The following GALK1 variants were observed in gnomAD, a reference collection of about 807,000 sequenced individuals.
GALK1 encodes the protein galactokinase 1.
Under a neutral mutation model 38.6 loss-of-function variants are expected in GALK1, and 30 were observed. The observed-to-expected ratio is 0.78, with a 90% CI of 0.58 to 1.05. The LOEUF (loss-of-function observed/expected upper bound fraction) is 1.05. Among genes scored for constraint, GALK1 ranks in the 50% least tolerant of loss-of-function variants. The pLI is 0.00. For synonymous variants in GALK1, 240 were observed against 233.6 expected (o/e 1.03, Z -0.25); for missense variants, 512 against 540.5 (o/e 0.95, Z 0.52).
chr17:75,757,711 G>T (rs2061554332), downstream of GALK1: 3 of 1,024,730 alleles, frequency 2.9e-6, no homozygotes, highest in African/African-American at 3.1e-5. Context: ...CATGAAGGGG[G>T]CAAGGTCCGT....
downstream of GALK1, chr17:75,757,572 C>T (rs781453435): frequency 2.5e-6 from 4 of 1,613,218 alleles, no homozygotes; most frequent in Non-Finnish European, 2.5e-6. Context: ...CCTGCCCCAC[C>T]CCCGCCACGT....
chr17:75,756,477 T>C (rs1330198923), downstream of GALK1: 1 of 1,613,178 alleles, frequency 6.2e-7, no homozygotes, highest in East Asian at 2.2e-5. Context: ...ACCTCGGTGG[T>C]GGTGGAAGAC....
exon 9 of GALK1, chr17:75,751,597 C>G (rs2061368256): frequency 1.3e-5 from 3 of 230,990 alleles, no homozygotes; most frequent in Non-Finnish European, 2.6e-5. Flanking sequence ...AAAAATTAGA[C>G]AGGCATGGTG....
chr17:75,757,118 G>C, downstream of GALK1: 1 of 1,612,880 alleles, frequency 6.2e-7, no homozygotes, highest in Non-Finnish European at 8.5e-7. Context: ...GTAGGCACCT[G>C]TCCTTTCCTT....
At chr17:75,763,863 C>T in intron 2 of GALK1, 34 bp downstream of exon 2, 2 of 1,592,400 alleles carry the variant, frequency 1.3e-6, no homozygotes, top group African/African-American at 1.3e-5. Context: ...CTCCTAGTAT[C>T]AGTGAGGACT....
Position 75,764,544 on chromosome 17 carries a change from C to T in GALK1, c.165+428G>A, listed in dbSNP as rs767226923. The T allele has an allele frequency of 1.3e-4, 62 of 477,734 alleles. 1 individual carries two copies. The highest frequency in any genetic ancestry group is 1.7e-5 in the Non-Finnish European group (4 of 241,928). 29.6% of individuals were successfully genotyped at this position (477,734 alleles called of 1,614,324 possible). A position where few individuals can be genotyped will look rare whatever the true frequency, so the allele number is the denominator to read the frequency against. ...TGACCTCCAGCAGTTCACTGGGCCT[C>T]TCTAGGCCTCAGTTTCCTCCTCTGT... On this transcript the variant is annotated intron_variant, in intron 1 of 7. Coordinates refer to ENST00000588479, the MANE Select transcript of GALK1 (RefSeq NM_000154.2).
Position 75,765,030 on chromosome 17 carries a change from C to A in GALK1, c.107G>T (p.Gly36Val). 2 of 1,609,896 alleles carry A rather than the reference C, an allele frequency of 1.2e-6. No individual in the cohort carries two copies. The highest frequency in any genetic ancestry group is 1.7e-6 in the Non-Finnish European group (2 of 1,178,556). The change falls in exon 1 of 8, where the codon GGC becomes GTC. Residue 36 changes from glycine (G) to valine (V), a missense_variant. Gly to Val is a moderately radical substitution (Grantham distance 109). Transcript: ENST00000588479. ...AEPELAVSAP[G>V]RVNLIGEHTD... ...GTGTTCCCCGATGAGGTTGACGCGG[C>A]CCGGCGCTGACACGGCCAGCTCGGG...
downstream of GALK1, chr17:75,756,379 G>A (rs1054728005): frequency 1.3e-6 from 2 of 1,598,670 alleles, no homozygotes; most frequent in Non-Finnish European, 1.7e-6. Context: ...GATCAGGCCA[G>A]GGGTGGGAGT....
intron 5 of GALK1, among the ~76,000 whole-genome samples, chr17:75,762,065 C>T (rs1445900802): frequency 2.6e-5 from 4 of 152,148 alleles, no homozygotes; most frequent in Non-Finnish European, 5.9e-5. Context: ...TGGCTCATGC[C>T]TATAATCCCA....
chr17:75,758,187 C>A (rs756936329), intron 7 of GALK1, 23 bp downstream of exon 7: 2 of 1,609,248 alleles, frequency 1.2e-6, no homozygotes, highest in Admixed American at 1.7e-5. Flanking sequence ...CTCCTGCCCG[C>A]CCAGGCCCTG....
chr17:75,752,534 C>T, intron 8 of GALK1: 1 of 1,613,684 alleles, frequency 6.2e-7, no homozygotes, highest in Non-Finnish European at 8.5e-7. Flanking sequence ...ACGTTCTACG[C>T]TCTCCATCGG....
chr17:75,757,818 A>G, downstream of GALK1: 1 of 661,402 alleles, frequency 1.5e-6, no homozygotes, highest in South Asian at 1.9e-5. Flanking sequence ...TGCTACTGCT[A>G]GGCCCTGCCT....
downstream of GALK1, chr17:75,757,072 G>T (rs767247375): frequency 8.1e-6 from 13 of 1,612,836 alleles, no homozygotes; most frequent in Non-Finnish European, 1.0e-5. Flanking sequence ...GGGCCAGAGC[G>T]CGAGGGCATC....
intron 5 of GALK1, among the ~76,000 whole-genome samples, chr17:75,761,718 TAA>T (rs55872846): frequency 4.1e-4 from 54 of 132,322 alleles, no homozygotes; most frequent in Admixed American, 4.6e-4. Context: ...ATGTTTAGTT[TAA>T]AAAAAAAAAA....
intron 1 of GALK1, chr17:75,764,569 T>C (rs936732519): frequency 2.2e-6 from 1 of 456,874 alleles, no homozygotes; most frequent in African/African-American, 2.0e-5. Flanking sequence ...TCCTCCTCTG[T>C]AAATTGAACG....
At chr17:75,755,776 G>A, downstream of GALK1, 1 of 1,612,560 alleles carries the variant, frequency 6.2e-7, no homozygotes, top group Non-Finnish European at 8.5e-7. Context: ...ACATCTCTCA[G>A]AGTGAGCTGG....
At chr17:75,754,766 G>A (rs3191773), downstream of GALK1, 4,667 of 1,612,422 alleles carry the variant, frequency 2.9e-3, 12 homozygotes, top group Non-Finnish European at 3.2e-3. Context: ...ACTCACACTC[G>A]ACCACACTGC....
At chr17:75,756,977 C>T (rs1012049256), downstream of GALK1, 8 of 1,612,620 alleles carry the variant, frequency 5.0e-6, no homozygotes, top group African/African-American at 9.3e-5. Flanking sequence ...ATGGAGACAG[C>T]CCCGAGAGCC....
downstream of GALK1, chr17:75,757,867 G>A (rs1009641860): frequency 4.0e-4 from 286 of 712,520 alleles, 2 homozygotes; most frequent in Non-Finnish European, 6.7e-5. Flanking sequence ...CTCCCCTAGG[G>A]TAGGGGAGCG....
Sources: gnomAD v4.1 joint callset for allele counts (sites outside exome capture counted in the v4.1 genomes callset) on GRCh38, gnomAD v4.1.1 for gene constraint, MANE v1.5 for transcripts, NCBI Gene and HGNC (gene_info 2026-07-23, HGNC 2026-07-21) for gene names.